Variants in MICAL2 observed in about 807,000 individuals in gnomAD.
The protein encoded by MICAL2 is [F-actin]-monooxygenase MICAL2.
MICAL2 carries 77 observed loss-of-function variants against 127.3 expected under a neutral mutation model. The ratio of observed to expected loss-of-function variants is 0.60; its 90% CI spans 0.50 to 0.73. The LOEUF (loss-of-function observed/expected upper bound fraction) is 0.73, where lower values mean the gene tolerates loss of function less well. MICAL2 is among the 30% of genes least tolerant of loss of function. MICAL2 has a pLI of 0.00. For synonymous variants in MICAL2, 570 were observed against 551.1 expected (o/e 1.03, Z -0.48); for missense variants, 1,351 against 1,434.4 (o/e 0.94, Z 0.94).
At chr11:12,262,702 T>C (rs1242254350) in intron 27 of MICAL2, 165 bp downstream of exon 27, 8 of 647,110 alleles carry the variant, frequency 1.2e-5, no homozygotes, top group Non-Finnish European at 2.2e-5. Context: ...GCGGGGGGTG[T>C]TCAGCTTGAG....
chr11:12,355,774 G>A (rs751341515), intron 34 of MICAL2, among the ~76,000 whole-genome samples: 3 of 152,216 alleles, frequency 2.0e-5, no homozygotes, highest in Non-Finnish European at 2.9e-5. Context: ...ACAGATCACA[G>A]ATCAGGGTCT....
chr11:12,301,461 C>G (rs560971199), intron 29 of MICAL2, among the ~76,000 whole-genome samples: 5 of 152,178 alleles, frequency 3.3e-5, no homozygotes, highest in Non-Finnish European at 7.3e-5. Flanking sequence ...TAGGAGCACT[C>G]TTATACGTAC....
At chr11:12,275,172 G>C (rs908485182), upstream of MICAL2, among the ~76,000 whole-genome samples, 4 of 152,202 alleles carry the variant, frequency 2.6e-5, no homozygotes, top group African/African-American at 7.2e-5. Flanking sequence ...TTTACTGAGA[G>C]GGGGAAGGCT....
chr11:12,221,744 A>T lies in MICAL2; in HGVS notation c.1307A>T (p.Glu436Val). ...TGGAACCAGGGCACCCCTCCCCTGG[A>T]GCTGCTGGCTGAAAGGTGAGCTTTG... The part of the protein sequence containing the change: ...KSWNQGTPPL[E>V]LLAERESLYR... The change falls in exon 10 of 28, where the codon GAG (glutamate) becomes GTG (valine). Residue 436 changes from glutamate to valine, a missense_variant. Coordinates refer to ENST00000683283, the MANE Select transcript of MICAL2 (RefSeq NM_001282663.2). 6.2e-7 allele frequency: 1 copy of T among 1,613,216 alleles called. No homozygotes were observed. The highest frequency in any genetic ancestry group is 1.3e-5 in the African/African-American group (1 of 74,972).
intron 1 of MICAL2, among the ~76,000 whole-genome samples, chr11:12,129,355 G>A (rs1851210792): frequency 6.6e-6 from 1 of 152,158 alleles, no homozygotes; most frequent in South Asian, 2.1e-4. Flanking sequence ...GGTCTTCACA[G>A]TTACCCTGTG....
downstream of MICAL2, among the ~76,000 whole-genome samples, chr11:12,296,219 T>C (rs1863983810): frequency 1.3e-5 from 2 of 152,056 alleles, no homozygotes. Context: ...ACTGTGATCC[T>C]ACCATCCCTA....
chr11:12,224,456 G>A, intron 12 of MICAL2: 1 of 571,376 alleles, frequency 1.8e-6, no homozygotes, highest in Non-Finnish European at 3.1e-6. Flanking sequence ...TGCTGGAAGA[G>A]AACATGCTTC....
chr11:12,319,453 T>A (rs1264837397), intron 29 of MICAL2, among the ~76,000 whole-genome samples: 3 of 151,546 alleles, frequency 2.0e-5, no homozygotes, highest in Non-Finnish European at 4.4e-5. Context: ...TTTTCTTTTT[T>A]TTTTTTAATG....
chr11:12,120,709 G>A (rs116183549), intron 1 of MICAL2, among the ~76,000 whole-genome samples: 199 of 152,362 alleles, frequency 1.3e-3, no homozygotes, highest in African/African-American at 4.6e-3. Context: ...AGGGTACCAT[G>A]TGGTAGAAAC....
intron 32 of MICAL2, among the ~76,000 whole-genome samples, chr11:12,328,969 CA>C (rs11334724): frequency 0.88 from 134,216 of 152,204 alleles, 59,314 homozygotes; most frequent in Non-Finnish European, 0.9. Flanking sequence ...GTTAATTTAG[CA>C]ACTAGATTTC....
At chr11:12,253,571 G>T (rs1385053852) in intron 22 of MICAL2, 3 of 152,144 alleles carry the variant, frequency 2.0e-5, no homozygotes, top group Non-Finnish European at 4.4e-5. Context: ...CAAATAAAGT[G>T]GGGATGTTTC....
At chr11:12,259,194 C>T (rs1862758205) in intron 25 of MICAL2, among the ~76,000 whole-genome samples, 2 of 152,260 alleles carry the variant, frequency 1.3e-5, no homozygotes, top group Admixed American at 1.3e-4. Context: ...TGTAACCACT[C>T]TACCCTGAGA....
chr11:12,208,358 G>A (rs2134159597), intron 5 of MICAL2: 1 of 468,930 alleles, frequency 2.1e-6, no homozygotes, highest in Non-Finnish European at 3.8e-6. Flanking sequence ...CATTAAACCT[G>A]TAATTTGGTT....
chr11:12,223,562 T>C, intron 12 of MICAL2, 61 bp downstream of exon 12: 1 of 1,458,536 alleles, frequency 6.9e-7, no homozygotes, highest in South Asian at 1.1e-5. Flanking sequence ...GGAGGAGGAC[T>C]GCTCAGTGAC....
At position 12,255,507 on chromosome 11, in the gene MICAL2, C is replaced by T; in HGVS notation, c.2848-136C>T. 1.7e-5 allele frequency: 12 copies of T among 698,612 alleles called. No homozygotes were observed. The South Asian group carries it at 2.1e-4, about 13-fold the overall frequency. 43.3% of individuals were successfully genotyped at this position (698,612 alleles called of 1,614,324 possible). Reference sequence around the variant, plus strand: ...CGCGTTCTGCTCCTGGCTGGTTTTGCTTCTCCTGGGTCGTGGGGTGCTATT... The same window carrying T: ...CGCGTTCTGCTCCTGGCTGGTTTTGTTTCTCCTGGGTCGTGGGGTGCTATT... On this transcript the variant is annotated intron_variant, in intron 22 of 27. Coordinates refer to ENST00000683283, the MANE Select transcript of MICAL2 (RefSeq NM_001282663.2).
At chr11:12,358,678 A>C, downstream of MICAL2, 1 of 430,714 alleles carries the variant, frequency 2.3e-6, no homozygotes, top group Admixed American at 4.0e-5. Flanking sequence ...AAGAAAACCC[A>C]AAGACTCTTT....
rs57546290 is a variant in MICAL2, at chr11:12,343,406, T to TAAAAAAAAA, written c.5516-6422_5516-6414dup. ...CTGGGCGACAAGAGCTTCATCTCAT[T>TAAAAAAAAA]AAAAAAAAAAAAAAAAAACTGTAGC... is the stretch of plus-strand genomic sequence containing the variant. On this transcript the variant is annotated intron_variant, in intron 32 of 34. Coordinates refer to the MICAL2 transcript ENST00000646065. Among the ~76,000 whole-genome samples the TAAAAAAAAA allele has an allele frequency of 1.1e-3, 116 of 110,070 alleles. 3 individuals carry two copies. Among genetic ancestry groups the TAAAAAAAAA allele is most frequent in the Non-Finnish European group, 1.4e-3 (74 of 53,512 alleles). The allele number at this position is 110,070 out of a possible 152,430, so 72.2% of individuals were successfully genotyped here.
At chr11:12,348,656 A>T (rs1938995750) in intron 32 of MICAL2, among the ~76,000 whole-genome samples, 1 of 152,198 alleles carries the variant, frequency 6.6e-6, no homozygotes. Flanking sequence ...CTATTTTAGC[A>T]GGAGGGAGGG....
At chr11:12,262,576 A>C in intron 27 of MICAL2, 39 bp downstream of exon 27, 2 of 1,545,244 alleles carry the variant, frequency 1.3e-6, no homozygotes, top group Non-Finnish European at 1.8e-6. Flanking sequence ...GAGTGGTACT[A>C]ACCCCCAACC....
Sources: allele counts gnomAD v4.1 joint callset (sites outside exome capture counted in the v4.1 genomes callset), GRCh38; gene constraint gnomAD v4.1.1; transcripts MANE v1.5; gene names NCBI Gene and HGNC (gene_info 2026-07-23, HGNC 2026-07-21).